NELL1: variants seen among roughly 807,000 people sequenced by gnomAD.
NELL1 encodes neural EGFL like 1, also known as protein kinase C-binding protein NELL1.
A neutral mutation model predicts 107.4 loss-of-function variants in NELL1; 76 were observed. The ratio of observed to expected loss-of-function variants is 0.71; its 90% CI spans 0.59 to 0.86. The LOEUF (loss-of-function observed/expected upper bound fraction) is 0.86. Among genes scored for constraint, NELL1 ranks in the 40% least tolerant of loss-of-function variants. The pLI is 0.00. For synonymous variants in NELL1, 353 were observed against 341.2 expected (o/e 1.03, Z -0.38); for missense variants, 1,024 against 1,005.5 (o/e 1.02, Z -0.25).
chr11:20,915,115 T>C (rs1850217121), intron 5 of NELL1, among the ~76,000 whole-genome samples: 1 of 152,068 alleles, frequency 6.6e-6, no homozygotes, highest in Admixed American at 6.6e-5. Context: ...GAAAATCTAT[T>C]ATCTTTGGTG....
At chr11:21,115,823 A>G (rs1855222785) in intron 13 of NELL1, among the ~76,000 whole-genome samples, 1 of 152,002 alleles carries the variant, frequency 6.6e-6, no homozygotes, top group Non-Finnish European at 1.5e-5. Context: ...TTACTAATAT[A>G]CACACACATC....
chr11:21,049,518 G>C (rs1853439616), intron 12 of NELL1, among the ~76,000 whole-genome samples: 1 of 152,082 alleles, frequency 6.6e-6, no homozygotes, highest in African/African-American at 2.4e-5. Context: ...TGTAAGGTCT[G>C]TCATTAAGGA....
chr11:21,418,696 A>G lies in NELL1; in HGVS notation c.1645+47748A>G, dbSNP rs1852580962. Reference sequence around the variant, plus strand: ...CTGATAACATCAAGCTTGCCTAATGACTTGCTTTGGCCAATAAAATATAAG... The same window carrying G: ...CTGATAACATCAAGCTTGCCTAATGGCTTGCTTTGGCCAATAAAATATAAG... On this transcript the variant is annotated intron_variant, in intron 15 of 19. Coordinates refer to ENST00000357134, the MANE Select transcript of NELL1 (RefSeq NM_006157.5). 1.3e-5 allele frequency among the ~76,000 whole-genome samples: 2 copies of G among 152,118 alleles called. 1 individual carries two copies. Among genetic ancestry groups the G allele is most frequent in the South Asian group, 4.1e-4 (2 of 4,836 alleles).
chr11:20,757,222 T>G (rs553157409), intron 2 of NELL1, among the ~76,000 whole-genome samples: 4 of 152,104 alleles, frequency 2.6e-5, no homozygotes, highest in Non-Finnish European at 5.9e-5. Context: ...TACCATTCAG[T>G]GACATTAATT....
intron 13 of NELL1, among the ~76,000 whole-genome samples, chr11:21,161,463 G>A (rs1323032496): frequency 6.6e-6 from 1 of 152,102 alleles, no homozygotes; most frequent in African/African-American, 2.4e-5. Context: ...CTTGAGCCTG[G>A]GAGGAGGAGG....
chr11:21,543,328 T>A (rs1856340584), intron 16 of NELL1, among the ~76,000 whole-genome samples: 1 of 152,032 alleles, frequency 6.6e-6, no homozygotes, highest in African/African-American at 2.4e-5. Flanking sequence ...CACTTAACCA[T>A]GGAACTGTAA....
chr11:20,696,696 C>G (rs558082109), intron 2 of NELL1, among the ~76,000 whole-genome samples: 1 of 152,014 alleles, frequency 6.6e-6, no homozygotes, highest in African/African-American at 2.4e-5. Flanking sequence ...CTACATCTTA[C>G]CATTTATTTT....
At chr11:21,292,575 A>C (rs183398967) in intron 14 of NELL1, among the ~76,000 whole-genome samples, 1 of 152,274 alleles carries the variant, frequency 6.6e-6, no homozygotes, top group Admixed American at 6.5e-5. Context: ...TTAGAAAAAA[A>C]CAAATTTAAA....
At chr11:21,477,972 T>C (rs1250709495) in intron 15 of NELL1, among the ~76,000 whole-genome samples, 1 of 150,530 alleles carries the variant, frequency 6.6e-6, no homozygotes, top group Non-Finnish European at 1.5e-5. Context: ...TATAGAAAAA[T>C]GCATCTGTAT....
chr11:20,887,623 G>A (rs1425216863), intron 5 of NELL1, among the ~76,000 whole-genome samples: 1 of 152,278 alleles, frequency 6.6e-6, no homozygotes, highest in East Asian at 1.9e-4. Flanking sequence ...AAACTATCCT[G>A]TCTGCATCTC....
chr11:21,174,963 G>A (rs952049698), intron 13 of NELL1, among the ~76,000 whole-genome samples: 5 of 151,620 alleles, frequency 3.3e-5, no homozygotes, highest in Non-Finnish European at 5.9e-5. Context: ...TTAATTATGA[G>A]TAGTCGTGAA....
chr11:21,139,360 G>A (rs978410438), intron 13 of NELL1, among the ~76,000 whole-genome samples: 4 of 152,154 alleles, frequency 2.6e-5, no homozygotes, highest in African/African-American at 9.7e-5. Flanking sequence ...CCTCACATCT[G>A]CATAGCTGGC....
chr11:20,895,976 T>C (rs963854720), intron 5 of NELL1, among the ~76,000 whole-genome samples: 1 of 152,152 alleles, frequency 6.6e-6, no homozygotes, highest in African/African-American at 2.4e-5. Flanking sequence ...TTGGTGTTTA[T>C]TTTTTATATT....
chr11:21,063,522 A>G (rs1853795610), intron 12 of NELL1, among the ~76,000 whole-genome samples: 1 of 152,150 alleles, frequency 6.6e-6, no homozygotes, highest in Non-Finnish European at 1.5e-5. Context: ...GTCCACCATG[A>G]GTTATTTCAT....
intron 13 of NELL1, among the ~76,000 whole-genome samples, chr11:21,213,418 T>A (rs1041095081): frequency 9.2e-5 from 14 of 152,134 alleles, no homozygotes; most frequent in Non-Finnish European, 1.8e-4. Context: ...AATTGAATAA[T>A]TTTGAATTGA....
chr11:21,230,697 A>G (rs926023178), intron 14 of NELL1, among the ~76,000 whole-genome samples: 3 of 152,186 alleles, frequency 2.0e-5, no homozygotes, highest in Non-Finnish European at 4.4e-5. Flanking sequence ...CTAAGTCACT[A>G]TATTTATGGA....
chr11:21,063,478 T>C (rs909375666), intron 12 of NELL1, among the ~76,000 whole-genome samples: 6 of 152,364 alleles, frequency 3.9e-5, no homozygotes, highest in African/African-American at 1.4e-4. Context: ...TTCTTCTTTT[T>C]GGTGACCAGC....
chr11:21,455,248 T>G (rs2133863973), intron 15 of NELL1, among the ~76,000 whole-genome samples: 1 of 151,890 alleles, frequency 6.6e-6, no homozygotes, highest in Non-Finnish European at 1.5e-5. Flanking sequence ...AATATCATAG[T>G]CATTTGATCA....
chr11:20,672,978 C>T lies in NELL1; in HGVS notation c.55+3200C>T, dbSNP rs904594677. The stretch of plus-strand genomic sequence containing the variant: ...GTGATTCTCCTGCCTCAGCCCCCCC[C>T]CCCCCCCCCGAGTAGCTGGGATTAC... On this transcript the variant is annotated intron_variant, in intron 1 of 19. Transcript: ENST00000357134. Among the ~76,000 whole-genome samples the T allele has an allele frequency of 2.7e-4, 11 of 41,164 alleles. 2 individuals carry two copies. The highest frequency in any genetic ancestry group is 3.8e-4 in the Admixed American group (2 of 5,288). 27.0% of individuals were successfully genotyped at this position (41,164 alleles called of 152,430 possible).
Sources: allele counts gnomAD v4.1 joint callset (sites outside exome capture counted in the v4.1 genomes callset), GRCh38; gene constraint gnomAD v4.1.1; transcripts MANE v1.5; gene names NCBI Gene and HGNC (gene_info 2026-07-23, HGNC 2026-07-21).